Variants in THADA observed in about 807,000 individuals in gnomAD.
THADA encodes the protein tRNA (32-2'-O)-methyltransferase regulator THADA.
In THADA, 213 loss-of-function variants were observed where a neutral mutation model predicts 219.8. The ratio of observed to expected loss-of-function variants is 0.97; its 90% CI spans 0.87 to 1.09. The LOEUF (loss-of-function observed/expected upper bound fraction) is 1.09. Ranked by LOEUF, THADA falls within the 50% of genes least tolerant of loss-of-function variation. The pLI is 0.00. For synonymous variants in THADA, 1,018 were observed against 828.9 expected (o/e 1.23, Z -3.92); for missense variants, 2,956 against 2,311.3 (o/e 1.28, Z -5.72).
chr2:43,354,963 G>A (rs1668719442), intron 29 of THADA, among the ~76,000 whole-genome samples: 2 of 152,054 alleles, frequency 1.3e-5, no homozygotes, highest in Admixed American at 6.5e-5. Context: ...CTGCCACCAC[G>A]AAAAGGATGT....
rs1168125452 is a variant in THADA, at chr2:43,474,432, G to A, written c.3836+10802C>T. 3.3e-5 allele frequency among the ~76,000 whole-genome samples: 5 copies of A among 152,176 alleles called. No homozygotes were observed. The East Asian group carries it at 7.7e-4, about 24-fold the overall frequency. ...GCTTTCCACTTTGTTTTAGAGTTAC[G>A]TTTACAGCCGAGTTCAAGTGTTATC... On this transcript the variant is annotated intron_variant, in intron 26 of 37. Transcript: ENST00000405975.
chr2:43,439,723 T>C (rs1680600879), intron 26 of THADA, among the ~76,000 whole-genome samples: 1 of 151,786 alleles, frequency 6.6e-6, no homozygotes, highest in Non-Finnish European at 1.5e-5. Flanking sequence ...ATAGTGTATA[T>C]ACGGTTCAGC....
intron 25 of THADA, among the ~76,000 whole-genome samples, chr2:43,492,867 G>C (rs780159567): frequency 3.9e-5 from 6 of 152,196 alleles, no homozygotes; most frequent in African/African-American, 1.2e-4. Context: ...CAAAAGAAGA[G>C]ACAGGGTTTA....
chr2:43,437,664 C>T (rs1438579685), intron 26 of THADA, among the ~76,000 whole-genome samples: 1 of 152,198 alleles, frequency 6.6e-6, no homozygotes, highest in African/African-American at 2.4e-5. Flanking sequence ...AGATGAGTTA[C>T]TGCCACTGTG....
chr2:43,384,025 C>G (rs1672342756), intron 29 of THADA, among the ~76,000 whole-genome samples: 1 of 152,136 alleles, frequency 6.6e-6, no homozygotes, highest in Non-Finnish European at 1.5e-5. Flanking sequence ...ACCCCAGCTT[C>G]TCTATATGAA....
chr2:43,330,298 C>T (rs1051732780), intron 30 of THADA, among the ~76,000 whole-genome samples: 3 of 152,156 alleles, frequency 2.0e-5, no homozygotes, highest in Non-Finnish European at 4.4e-5. Context: ...GGTGTTATTC[C>T]CAGAGGCACC....
intron 26 of THADA, among the ~76,000 whole-genome samples, chr2:43,473,466 C>G (rs895859793): frequency 2.9e-4 from 44 of 152,186 alleles, no homozygotes; most frequent in African/African-American, 1.0e-3. Flanking sequence ...GAAGGACCCG[C>G]CCGAGCCAGT....
rs77547291 is a variant in THADA, at chr2:43,511,609, G to C, written c.3375-2829C>G. Among the ~76,000 whole-genome samples, 354 of 151,958 alleles carry C rather than the reference G, an allele frequency of 2.3e-3. 2 individuals are homozygous for C. The highest frequency in any genetic ancestry group is 6.8e-3 in the Middle Eastern group (2 of 294). ...CCAAGTTCCTACACAAACTCCTCTG[G>C]TCTAGTAAGACTGTTTTTTGCTGGT... On this transcript the variant is annotated intron_variant, in intron 22 of 37. Transcript: ENST00000405975.
At chr2:43,285,638 A>T (rs1673907310) in intron 35 of THADA, among the ~76,000 whole-genome samples, 1 of 149,504 alleles carries the variant, frequency 6.7e-6, no homozygotes, top group Non-Finnish European at 1.5e-5. Context: ...ATCTCGGCTC[A>T]CCGTAACCTC....
At chr2:43,512,525 G>A (rs1043450870) in intron 22 of THADA, among the ~76,000 whole-genome samples, 3 of 152,220 alleles carry the variant, frequency 2.0e-5, no homozygotes, top group Non-Finnish European at 4.4e-5. Flanking sequence ...TTTTTGAGAC[G>A]AAATTTCACT....
intron 26 of THADA, among the ~76,000 whole-genome samples, chr2:43,438,299 CAAA>C (rs56108896): frequency 2.3e-5 from 2 of 85,960 alleles, no homozygotes. Flanking sequence ...GACTCCATCT[CAAA>C]AAAAAAAAAA....
intron 36 of THADA, among the ~76,000 whole-genome samples, chr2:43,235,380 G>A (rs1392751393): frequency 6.6e-6 from 1 of 151,966 alleles, no homozygotes; most frequent in Non-Finnish European, 1.5e-5. Flanking sequence ...CGCGACCTCC[G>A]CTTCCCAGGT....
At chr2:43,582,301 A>T (rs1214841441) in intron 7 of THADA, among the ~76,000 whole-genome samples, 1 of 152,134 alleles carries the variant, frequency 6.6e-6, no homozygotes, top group Non-Finnish European at 1.5e-5. Flanking sequence ...GTTTGGGACC[A>T]GCTTGGCCAA....
intron 28 of THADA, among the ~76,000 whole-genome samples, chr2:43,413,660 G>A (rs563664858): frequency 3.2e-4 from 48 of 152,240 alleles, no homozygotes; most frequent in African/African-American, 1.1e-3. Context: ...GGCTATCATG[G>A]TTCAGAGTCA....
intron 36 of THADA, among the ~76,000 whole-genome samples, chr2:43,272,718 G>A (rs1433374753): frequency 1.4e-5 from 2 of 147,830 alleles, no homozygotes; most frequent in Admixed American, 6.8e-5. Context: ...TTGACCTTCT[G>A]GGCTCAAGTG....
At chr2:43,275,000 T>C (rs1294864051) in intron 36 of THADA, among the ~76,000 whole-genome samples, 2 of 141,200 alleles carry the variant, frequency 1.4e-5, no homozygotes, top group Admixed American at 1.4e-4. Flanking sequence ...TTTCTTTTCT[T>C]TTTTTTTTTT....
At chr2:43,238,175 G>GAGGA (rs1002086825) in intron 36 of THADA, among the ~76,000 whole-genome samples, 1 of 145,430 alleles carries the variant, frequency 6.9e-6, no homozygotes, top group Non-Finnish European at 1.5e-5. Context: ...GGAAGGGAGG[G>GAGGA]AGGAAGGAAA....
chr2:43,329,359 G>A (rs976350515), intron 30 of THADA, among the ~76,000 whole-genome samples: 1 of 152,092 alleles, frequency 6.6e-6, no homozygotes, highest in Non-Finnish European at 1.5e-5. Context: ...AATAGGTGAG[G>A]TGGATGAAAT....
intron 30 of THADA, among the ~76,000 whole-genome samples, chr2:43,337,694 T>TACACAC (rs139544201): frequency 4.8e-5 from 7 of 146,302 alleles, no homozygotes; most frequent in Non-Finnish European, 1.1e-4. Flanking sequence ...CACACACTCA[T>TACACAC]ACACACACAC....
Sources: gnomAD v4.1 joint callset for allele counts (sites outside exome capture counted in the v4.1 genomes callset) on GRCh38, gnomAD v4.1.1 for gene constraint, MANE v1.5 for transcripts, NCBI Gene and HGNC (gene_info 2026-07-23, HGNC 2026-07-21) for gene names.